CPNE4: variants seen among roughly 807,000 people sequenced by gnomAD.
CPNE4 encodes the protein copine 4.
CPNE4 carries 25 observed loss-of-function variants against 67.9 expected under a neutral mutation model. The observed-to-expected ratio is 0.37, with a 90% CI of 0.27 to 0.51. The LOEUF (loss-of-function observed/expected upper bound fraction) is 0.51, where lower values mean the gene tolerates loss of function less well. CPNE4 is among the 20% of genes least tolerant of loss of function. The probability of loss-of-function intolerance (pLI) is 0.93; values close to 1 mark genes in which losing one functional copy is unlikely to be tolerated. For missense variants in CPNE4, 464 were observed against 690.8 expected (o/e 0.67, Z 3.68); for synonymous variants, 242 against 244.9 (o/e 0.99, Z 0.11).
chr3:131,620,987 T>C (rs1193018806), intron 7 of CPNE4, among the ~76,000 whole-genome samples: 2 of 151,132 alleles, frequency 1.3e-5, no homozygotes, highest in East Asian at 1.9e-4. Context: ...AACACCATCA[T>C]CAAGTGGTTT....
At chr3:131,950,054 G>A (rs2071676646) in intron 1 of CPNE4, among the ~76,000 whole-genome samples, 2 of 152,140 alleles carry the variant, frequency 1.3e-5, no homozygotes. Flanking sequence ...ATTTGCAGTA[G>A]TTATGTTGTA....
At chr3:131,767,924 T>A (rs1270377461) in intron 2 of CPNE4, among the ~76,000 whole-genome samples, 1 of 152,044 alleles carries the variant, frequency 6.6e-6, no homozygotes, top group Non-Finnish European at 1.5e-5. Flanking sequence ...ACTGTCTGGG[T>A]CTTAGGCTTT....
At chr3:131,633,771 T>A (rs771672050) in intron 7 of CPNE4, among the ~76,000 whole-genome samples, 21 of 151,838 alleles carry the variant, frequency 1.4e-4, no homozygotes, top group East Asian at 1.9e-4. Context: ...TTTTTATTTT[T>A]AAAAAAAAGA....
chr3:131,622,018 CAAAAAAAAAAA>C (rs34415771), intron 7 of CPNE4, among the ~76,000 whole-genome samples: 1 of 58,038 alleles, frequency 1.7e-5, no homozygotes, highest in South Asian at 6.4e-4. Flanking sequence ...GACCCTGTCT[CAAAAAAAAAAA>C]AAAAAAAAAA....
intron 1 of CPNE4, among the ~76,000 whole-genome samples, chr3:131,962,078 A>G (rs2072198999): frequency 6.6e-6 from 1 of 152,190 alleles, no homozygotes; most frequent in South Asian, 2.1e-4. Flanking sequence ...AATTCCATGC[A>G]TATTCAATTG....
intron 1 of CPNE4, among the ~76,000 whole-genome samples, chr3:132,000,855 A>G (rs2073414389): frequency 6.6e-6 from 1 of 151,878 alleles, no homozygotes. Flanking sequence ...CTTAAAAAAA[A>G]AAAAAAAGGA....
chr3:131,876,761 A>C (rs1339745542), intron 2 of CPNE4, among the ~76,000 whole-genome samples: 1 of 152,184 alleles, frequency 6.6e-6, no homozygotes, highest in Admixed American at 6.5e-5. Context: ...AGTAACTGAC[A>C]AAAGGTGGCA....
intron 8 of CPNE4, among the ~76,000 whole-genome samples, chr3:131,585,098 A>G (rs1226611272): frequency 6.6e-6 from 1 of 152,082 alleles, no homozygotes; most frequent in Non-Finnish European, 1.5e-5. Flanking sequence ...CTCATTACAT[A>G]TTGGCTTCTT....
At chr3:131,537,077 C>G (rs1455594683) in intron 15 of CPNE4, among the ~76,000 whole-genome samples, 1 of 151,982 alleles carries the variant, frequency 6.6e-6, no homozygotes, top group Non-Finnish European at 1.5e-5. Flanking sequence ...ATTCTGGACT[C>G]AGGGCTACAC....
rs1250138544 is a variant in CPNE4 at position 132,034,861 on chromosome 3, G to A, written c.-296C>T. 1.0e-6 allele frequency: 1 copy of A among 985,200 alleles called. No homozygotes were observed. Among genetic ancestry groups the A allele is most frequent in the Non-Finnish European group, 1.2e-6 (1 of 829,890 alleles). 61.0% of individuals were successfully genotyped at this position (985,200 alleles called of 1,614,324 possible). A position where few individuals can be genotyped will look rare whatever the true frequency, so the allele number is the denominator to read the frequency against. Reference sequence around the variant, plus strand: ...GTTGGAGATGTCAGGTCGGCTCTCAGTTAACTCGGAGAGTAAAGAGGAGGG... The same window carrying A: ...GTTGGAGATGTCAGGTCGGCTCTCAATTAACTCGGAGAGTAAAGAGGAGGG... On this transcript the variant is annotated 5_prime_UTR_variant, in exon 1 of 16. Transcript: ENST00000429747.
intron 1 of CPNE4, among the ~76,000 whole-genome samples, chr3:131,908,906 T>C (rs1039806640): frequency 6.6e-6 from 1 of 152,148 alleles, no homozygotes; most frequent in Non-Finnish European, 1.5e-5. Context: ...ATAATATATG[T>C]AATGTGATTA....
At chr3:131,863,656 G>T (rs1052086275) in intron 2 of CPNE4, among the ~76,000 whole-genome samples, 5 of 152,126 alleles carry the variant, frequency 3.3e-5, no homozygotes, top group African/African-American at 1.2e-4. Flanking sequence ...TTTGTAGGTT[G>T]CCTGTTCACT....
chr3:131,575,367 T>C (rs1937525884), intron 9 of CPNE4, among the ~76,000 whole-genome samples: 1 of 152,158 alleles, frequency 6.6e-6, no homozygotes, highest in Non-Finnish European at 1.5e-5. Flanking sequence ...CCCTCTATTA[T>C]GGTTTATGCA....
At chr3:131,964,728 A>G (rs1234832284) in intron 1 of CPNE4, among the ~76,000 whole-genome samples, 2 of 152,126 alleles carry the variant, frequency 1.3e-5, no homozygotes, top group Non-Finnish European at 2.9e-5. Flanking sequence ...ACTATGTGAA[A>G]AAACCAAACC....
chr3:131,921,053 A>G (rs2070728270), intron 1 of CPNE4, among the ~76,000 whole-genome samples: 1 of 152,206 alleles, frequency 6.6e-6, no homozygotes, highest in African/African-American at 2.4e-5. Flanking sequence ...GGCTGACAAC[A>G]TTGCTCCCAC....
chr3:131,678,987 G>T (rs2080659149), intron 6 of CPNE4, among the ~76,000 whole-genome samples: 1 of 152,150 alleles, frequency 6.6e-6, no homozygotes, highest in Admixed American at 6.5e-5. Flanking sequence ...TTTTGAAATA[G>T]TTTCAGTAGT....
At chr3:131,885,335 CTT>C (rs3041549) in intron 2 of CPNE4, among the ~76,000 whole-genome samples, 42,772 of 140,678 alleles carry the variant, frequency 0.3, 7,160 homozygotes, top group Non-Finnish European at 0.38. Context: ...GGAGAAATTT[CTT>C]TTTTTTTTTT....
chr3:131,670,899 C>A (rs1464294450), intron 6 of CPNE4, among the ~76,000 whole-genome samples: 1 of 152,130 alleles, frequency 6.6e-6, no homozygotes, highest in Non-Finnish European at 1.5e-5. Flanking sequence ...ACAACCTCTC[C>A]TGCATCAGCC....
intron 2 of CPNE4, among the ~76,000 whole-genome samples, chr3:131,864,063 A>G (rs938275318): frequency 6.6e-6 from 1 of 151,896 alleles, no homozygotes. Context: ...CCATTGGTCT[A>G]TATCTCTGTT....
Sources: allele counts gnomAD v4.1 joint callset (sites outside exome capture counted in the v4.1 genomes callset), GRCh38; gene constraint gnomAD v4.1.1; transcripts MANE v1.5; gene names NCBI Gene and HGNC (gene_info 2026-07-23, HGNC 2026-07-21).